Variants in EXPH5 observed in about 807,000 individuals in gnomAD.
EXPH5 encodes the protein exophilin 5.
EXPH5 carries 42 observed loss-of-function variants against 41.1 expected under a neutral mutation model. That is an observed-to-expected ratio of 1.02 (90% confidence interval 0.80 to 1.32). EXPH5 has a LOEUF of 1.32. Ranked by LOEUF, EXPH5 falls within the 40% of genes most tolerant of loss-of-function variation. The pLI is 0.00. For missense variants in EXPH5, 2,298 were observed against 2,314.5 expected (o/e 0.99, Z 0.15); for synonymous variants, 798 against 833.5 (o/e 0.96, Z 0.73).
chr11:108,571,519 T>C (rs968023693), intron 1 of EXPH5, among the ~76,000 whole-genome samples: 3 of 152,174 alleles, frequency 2.0e-5, no homozygotes, highest in African/African-American at 4.8e-5. Context: ...GAGCTTTTTT[T>C]ACTCTGAGGC....
intron 3 of EXPH5, among the ~76,000 whole-genome samples, chr11:108,532,108 A>G (rs905729944): frequency 6.6e-6 from 1 of 151,448 alleles, no homozygotes; most frequent in East Asian, 1.9e-4. Flanking sequence ...TTCTGCATTC[A>G]TAAAGCCCTG....
At chr11:108,539,421 T>C (rs2093900180) in intron 2 of EXPH5, among the ~76,000 whole-genome samples, 1 of 152,140 alleles carries the variant, frequency 6.6e-6, no homozygotes, top group Non-Finnish European at 1.5e-5. Flanking sequence ...TTTCCATGTG[T>C]ACTGTGAATC....
In EXPH5 at chr11:108,514,723, G is replaced by GT. The variant is rs777042847; in HGVS notation, c.783dup (p.His262ThrfsTer3). ...GACATATTGGAAGTTTCATTATAGTGTTTTTTGTGCCTTTCTGTGATATTA... is the reference window on the plus strand; with the variant it reads ...GACATATTGGAAGTTTCATTATAGTGTTTTTTTGTGCCTTTCTGTGATATTA... On this transcript the variant is annotated frameshift_variant, in exon 6 of 6. Coordinates refer to ENST00000265843, the MANE Select transcript of EXPH5 (RefSeq NM_015065.3). LOFTEE classifies it low-confidence loss of function (END_TRUNC). 186 of 1,609,732 alleles carry GT rather than the reference G, an allele frequency of 1.2e-4. No homozygotes were observed. Among genetic ancestry groups the GT allele is most frequent in the Non-Finnish European group, 1.5e-4 (180 of 1,178,736 alleles).
intron 1 of EXPH5, among the ~76,000 whole-genome samples, chr11:108,556,997 C>T (rs901939549): frequency 6.6e-6 from 1 of 152,186 alleles, no homozygotes; most frequent in Admixed American, 6.5e-5. Context: ...CTTAACAGGC[C>T]AAGCTGGCTC....
chr11:108,559,897 T>G (rs2256083), intron 1 of EXPH5, among the ~76,000 whole-genome samples: 84,429 of 152,046 alleles, frequency 0.56, 28,145 homozygotes, highest in Non-Finnish European at 0.72. Flanking sequence ...GCATTCAACT[T>G]AATTCACCCT....
chr11:108,509,456 C>G lies in EXPH5; in HGVS notation c.*81G>C, dbSNP rs77600035. 1,786 of 1,339,838 alleles carry G rather than the reference C, an allele frequency of 1.3e-3. 19 individuals are homozygous for G. In the African/African-American group the frequency reaches 0.023, roughly 17 times the overall value. The allele number at this position is 1,339,838 out of a possible 1,614,324, so 83.0% of individuals were successfully genotyped here. On this transcript the variant is annotated 3_prime_UTR_variant, in exon 6 of 6. Transcript: ENST00000265843. ...CACTGCCCAGACTAGATCTTTTATC[C>G]TTCCATGCACATGCACATGTACACC... is the stretch of plus-strand genomic sequence containing the variant.
At chr11:108,568,421 C>T (rs1017984666) in intron 1 of EXPH5, among the ~76,000 whole-genome samples, 1 of 152,068 alleles carries the variant, frequency 6.6e-6, no homozygotes, top group Non-Finnish European at 1.5e-5. Flanking sequence ...AGCTTCTCTC[C>T]CAGAAGTCCT....
At chr11:108,577,218 C>A (rs2094082753) in intron 1 of EXPH5, among the ~76,000 whole-genome samples, 1 of 152,104 alleles carries the variant, frequency 6.6e-6, no homozygotes, top group Non-Finnish European at 1.5e-5. Context: ...GTGCAGAGAT[C>A]TTTTTGATAC....
At chr11:108,576,912 A>G (rs1298784319) in intron 1 of EXPH5, among the ~76,000 whole-genome samples, 2 of 152,094 alleles carry the variant, frequency 1.3e-5, no homozygotes, top group Non-Finnish European at 2.9e-5. Flanking sequence ...GCCTCTTGTA[A>G]TCATCCTTCT....
At chr11:108,580,241 T>C (rs761846147) in intron 1 of EXPH5, among the ~76,000 whole-genome samples, 3 of 152,028 alleles carry the variant, frequency 2.0e-5, no homozygotes, top group Non-Finnish European at 4.4e-5. Context: ...AATGGGCAAA[T>C]GATCTGAATA....
chr11:108,607,065 C>T, the EXPH5 span, among the ~76,000 whole-genome samples: 1 of 152,158 alleles, frequency 6.6e-6, no homozygotes, highest in African/African-American at 2.4e-5. Flanking sequence ...AACAGAAGTA[C>T]ATCAGCTGTT....
intron 4 of EXPH5, among the ~76,000 whole-genome samples, chr11:108,518,801 C>A (rs1244620033): frequency 1.3e-5 from 2 of 152,168 alleles, no homozygotes; most frequent in African/African-American, 2.4e-5. Flanking sequence ...TCATAAAGAT[C>A]TTGCTGATAA....
At chr11:108,552,561 A>G (rs977989178) in intron 1 of EXPH5, among the ~76,000 whole-genome samples, 3 of 152,166 alleles carry the variant, frequency 2.0e-5, no homozygotes, top group African/African-American at 7.2e-5. Flanking sequence ...GCCCACTTCA[A>G]CTCCGTGAAT....
intron 3 of EXPH5, among the ~76,000 whole-genome samples, chr11:108,536,352 A>G (rs1027665773): frequency 2.0e-5 from 3 of 148,526 alleles, no homozygotes; most frequent in African/African-American, 7.5e-5. Flanking sequence ...CGTACCCTCC[A>G]CCTCCCAGGC....
At chr11:108,541,020 T>A (rs2093909923) in intron 2 of EXPH5, among the ~76,000 whole-genome samples, 1 of 152,142 alleles carries the variant, frequency 6.6e-6, no homozygotes, top group South Asian at 2.1e-4. Context: ...TCCTCCTGCC[T>A]CAGCCTCCAG....
Position 108,509,413 on chromosome 11 carries a change from G to A in EXPH5, c.*124C>T. The A allele has an allele frequency of 2.4e-6, 2 of 849,930 alleles. No homozygotes were observed. 52.6% of individuals were successfully genotyped at this position (849,930 alleles called of 1,614,324 possible). On this transcript the variant is annotated 3_prime_UTR_variant, in exon 6 of 6. Coordinates refer to ENST00000265843, the MANE Select transcript of EXPH5 (RefSeq NM_015065.3). The stretch of plus-strand genomic sequence containing the variant: ...GTGTGGAGGAAAAAAAAGGAGATGT[G>A]GGACATTTCAGAGCAGACACTGCCC...
chr11:108,532,367 T>TATATATATATA (rs61454000), intron 3 of EXPH5, among the ~76,000 whole-genome samples: 92 of 20,130 alleles, frequency 4.6e-3, no homozygotes, highest in Middle Eastern at 0.062. Flanking sequence ...TATATATATA[T>TATATATATATA]TTTTTTTTTT....
intron 4 of EXPH5, among the ~76,000 whole-genome samples, chr11:108,520,194 C>A (rs951138423): frequency 2.6e-5 from 4 of 152,134 alleles, no homozygotes; most frequent in Non-Finnish European, 5.9e-5. Flanking sequence ...GGATTGCGAA[C>A]CCTATTGTGA....
At chr11:108,562,272 T>TTTG (rs1487372408) in intron 1 of EXPH5, among the ~76,000 whole-genome samples, 13 of 150,958 alleles carry the variant, frequency 8.6e-5, no homozygotes, top group African/African-American at 3.2e-4. Flanking sequence ...TGTGTTTTTT[T>TTTG]TTTTTTTTTT....
Sources: gnomAD v4.1 joint callset for allele counts (sites outside exome capture counted in the v4.1 genomes callset) on GRCh38, gnomAD v4.1.1 for gene constraint, MANE v1.5 for transcripts, NCBI Gene and HGNC (gene_info 2026-07-23, HGNC 2026-07-21) for gene names.